The following FHL5 variants were observed in gnomAD, a reference collection of about 807,000 sequenced individuals.
The protein encoded by FHL5 is four and a half LIM domains 5, also known as four and a half LIM domains protein 5.
Under a neutral mutation model 32.0 loss-of-function variants are expected in FHL5, and 33 were observed. That is an observed-to-expected ratio of 1.03 (90% CI 0.78 to 1.38). The LOEUF is 1.38. Ranked by LOEUF, FHL5 falls within the 40% of genes most tolerant of loss-of-function variation. The pLI is 0.00. For synonymous variants in FHL5, 114 were observed against 113.6 expected (o/e 1.00, Z -0.02); for missense variants, 336 against 343.9 (o/e 0.98, Z 0.18).
chr6:96,584,771 A>G (rs915825207), intron 1 of FHL5, among the ~76,000 whole-genome samples: 3 of 152,116 alleles, frequency 2.0e-5, no homozygotes, highest in Non-Finnish European at 4.4e-5. Context: ...AGAAATATGT[A>G]ATATTTTCAG....
At chr6:96,571,086 A>C (rs562851027) in intron 1 of FHL5, among the ~76,000 whole-genome samples, 15 of 152,060 alleles carry the variant, frequency 9.9e-5, no homozygotes, top group African/African-American at 3.6e-4. Context: ...GTGTCCCTGC[A>C]TTGATGTCTG....
chr6:96,564,860 A>G (rs1770318442), intron 1 of FHL5, among the ~76,000 whole-genome samples: 2 of 152,050 alleles, frequency 1.3e-5, no homozygotes, highest in Non-Finnish European at 2.9e-5. Context: ...ACTTTTTGGT[A>G]CCCTGAAAGC....
chr6:96,605,972 A>G lies in FHL5; in HGVS notation c.405A>G (p.Gln135=), dbSNP rs779420120. The change falls in exon 4 of 6, where the codon CAA becomes CAG. Residue 135 remains glutamine (Q), a synonymous_variant. Transcript: ENST00000450218. ...ETCFVCENCR[Q]PIGTKPLISK... Reference sequence around the variant, plus strand: ...GTTTTGTGTGTGAGAATTGCCGACAACCTATAGGGACAAAGCCTTTGATCT... The same window carrying G: ...GTTTTGTGTGTGAGAATTGCCGACAGCCTATAGGGACAAAGCCTTTGATCT... The G allele has an allele frequency of 1.9e-6, 3 of 1,614,006 alleles. No homozygotes were observed. The highest frequency in any genetic ancestry group is 1.7e-5 in the Admixed American group (1 of 60,006).
At chr6:96,565,487 G>A (rs189078715) in intron 1 of FHL5, among the ~76,000 whole-genome samples, 19 of 152,004 alleles carry the variant, frequency 1.2e-4, no homozygotes, top group Non-Finnish European at 2.5e-4. Flanking sequence ...CAAATTCTTC[G>A]GTTATACTTC....
At chr6:96,594,229 A>T (rs1471223242) in intron 1 of FHL5, among the ~76,000 whole-genome samples, 188 of 8,552 alleles carry the variant, frequency 0.022, 1 homozygote, top group Non-Finnish European at 0.043. Context: ...ATTAGAATTT[A>T]TATATATATA....
intron 1 of FHL5, among the ~76,000 whole-genome samples, chr6:96,590,608 C>CA (rs546862275): frequency 1.3e-5 from 2 of 151,996 alleles, no homozygotes; most frequent in Non-Finnish European, 2.9e-5. Flanking sequence ...CACCTTACTG[C>CA]AAAATCTATG....
At chr6:96,614,149 T>C (rs117798998) in intron 5 of FHL5, among the ~76,000 whole-genome samples, 2 of 152,216 alleles carry the variant, frequency 1.3e-5, no homozygotes, top group African/African-American at 4.8e-5. Flanking sequence ...ATTTGTAAAA[T>C]TCCGGAAGAA....
At chr6:96,599,188 C>T (rs1028950123) in intron 1 of FHL5, among the ~76,000 whole-genome samples, 3 of 142,162 alleles carry the variant, frequency 2.1e-5, no homozygotes, top group Admixed American at 7.1e-5. Flanking sequence ...AGTGAACTTA[C>T]ATCTTTTTTT....
At chr6:96,572,340 A>T (rs957590288) in intron 1 of FHL5, among the ~76,000 whole-genome samples, 1 of 152,188 alleles carries the variant, frequency 6.6e-6, no homozygotes, top group African/African-American at 2.4e-5. Context: ...TGAATAGCCA[A>T]GGTACTGTTT....
chr6:96,610,706 C>T lies in FHL5; in HGVS notation c.639C>T (p.Cys213=), dbSNP rs1771386606. Residue 213 remains cysteine, a synonymous_variant, in exon 5 of 6, where the codon TGC becomes TGT. Coordinates refer to ENST00000450218, the MANE Select transcript of FHL5 (RefSeq NM_001322466.2). ...SRDDYPFCVD[C]YNHLYANKCV... is the part of the protein sequence containing the mutation. ...ACGACTATCCATTCTGCGTGGACTGCTACAACCATCTTTATGCCAACAAGT... is the reference window on the plus strand; with the variant it reads ...ACGACTATCCATTCTGCGTGGACTGTTACAACCATCTTTATGCCAACAAGT... 6.2e-7 allele frequency: 1 copy of T among 1,613,854 alleles called. No homozygotes were observed. Among genetic ancestry groups the T allele is most frequent in the Admixed American group, 1.7e-5 (1 of 60,022 alleles).
chr6:96,613,999 T>C (rs1384618752), intron 5 of FHL5, among the ~76,000 whole-genome samples: 1 of 152,258 alleles, frequency 6.6e-6, no homozygotes, highest in Non-Finnish European at 1.5e-5. Context: ...GTCAAAGACC[T>C]GCTTCATGAA....
rs771245552 is a variant in FHL5 at position 96,604,802 on chromosome 6, A to G, written c.212A>G (p.Lys71Arg). 1.2e-6 allele frequency: 2 copies of G among 1,613,962 alleles called. No individual in the cohort carries two copies. Among genetic ancestry groups the G allele is most frequent in the East Asian group, 4.5e-5 (2 of 44,886 alleles). The part of the protein sequence containing the change: ...HWHEGCFKCT[K>R]CNHSLVEKPF... ...CATGAAGGATGCTTCAAGTGCACCA[A>G]ATGCAATCACTCTTTGGTGGAAAAG... Residue 71 changes from lysine to arginine, a missense_variant, in exon 3 of 6, where the codon AAA (lysine) becomes AGA (arginine). Transcript: ENST00000450218.
chr6:96,613,475 G>GC (rs1771456061), intron 5 of FHL5, among the ~76,000 whole-genome samples: 1 of 152,170 alleles, frequency 6.6e-6, no homozygotes, highest in South Asian at 2.1e-4. Flanking sequence ...GGTCCTCCCT[G>GC]CCCCCACTGC....
intron 1 of FHL5, among the ~76,000 whole-genome samples, chr6:96,564,346 G>T (rs1251563263): frequency 6.6e-6 from 1 of 152,106 alleles, no homozygotes; most frequent in African/African-American, 2.4e-5. Context: ...TATGTGTTAT[G>T]ATATATGCTT....
intron 3 of FHL5, 23 bp downstream of exon 3, chr6:96,604,947 G>A: frequency 6.4e-7 from 1 of 1,550,480 alleles, no homozygotes; most frequent in Non-Finnish European, 8.7e-7. Flanking sequence ...GGGGGCTCCT[G>A]TCTCTAACTG....
intron 1 of FHL5, among the ~76,000 whole-genome samples, chr6:96,564,545 C>T (rs2127956666): frequency 6.6e-6 from 1 of 152,258 alleles, no homozygotes; most frequent in South Asian, 2.1e-4. Context: ...TTTTATTACA[C>T]TTACCAACAT....
At chr6:96,611,038 A>T (rs1269346628) in intron 5 of FHL5, among the ~76,000 whole-genome samples, 2 of 152,214 alleles carry the variant, frequency 1.3e-5, no homozygotes, top group African/African-American at 4.8e-5. Context: ...GGAGAACAGG[A>T]TGAGCTGAGA....
chr6:96,602,050 T>C (rs1045107474), intron 1 of FHL5, among the ~76,000 whole-genome samples: 1 of 152,220 alleles, frequency 6.6e-6, no homozygotes, highest in Non-Finnish European at 1.5e-5. Flanking sequence ...CTCTACTTGT[T>C]AGTGAAGAAC....
chr6:96,606,191 G>A (rs559599698), intron 4 of FHL5, 120 bp downstream of exon 4: 1 of 766,078 alleles, frequency 1.3e-6, no homozygotes, highest in Non-Finnish European at 2.0e-6. Flanking sequence ...ACCCATGGTA[G>A]TTTGGACTTT....
Sources: gnomAD v4.1 joint callset for allele counts (sites outside exome capture counted in the v4.1 genomes callset) on GRCh38, gnomAD v4.1.1 for gene constraint, MANE v1.5 for transcripts, NCBI Gene and HGNC (gene_info 2026-07-23, HGNC 2026-07-21) for gene names.